Variants in NKAIN1 observed in about 807,000 individuals in gnomAD.
NKAIN1 encodes the protein sodium/potassium transporting ATPase interacting 1, also known as sodium/potassium-transporting ATPase subunit beta-1-interacting protein 1.
Under a neutral mutation model 31.6 loss-of-function variants are expected in NKAIN1, and 13 were observed. The ratio of observed to expected loss-of-function variants is 0.41; its 90% CI spans 0.27 to 0.65. The LOEUF (loss-of-function observed/expected upper bound fraction) is 0.65. Among genes scored for constraint, NKAIN1 ranks in the 30% least tolerant of loss-of-function variants. NKAIN1 has a pLI of 0.30. For missense variants in NKAIN1, 193 were observed against 262.2 expected, an observed-to-expected ratio of 0.74 and a Z score of 1.82; for synonymous variants, 104 against 109.0, an observed-to-expected ratio of 0.95 and a Z score of 0.28.
chr1:31,229,147 A>G (rs1645628813), intron 1 of NKAIN1, among the ~76,000 whole-genome samples: 1 of 152,228 alleles, frequency 6.6e-6, no homozygotes. Flanking sequence ...AAGGTGACTC[A>G]GCACCTAGAA....
chr1:31,232,427 A>ATATATATATATATATATG (rs1645659789), intron 1 of NKAIN1, among the ~76,000 whole-genome samples: 1 of 44,950 alleles, frequency 2.2e-5, no homozygotes, highest in Non-Finnish European at 3.9e-5. Context: ...ATATATATAG[A>ATATATATATATATATATG]GAGAGAGAGA....
chr1:31,186,062 TAAA>T (rs765519205), intron 2 of NKAIN1, among the ~76,000 whole-genome samples: 11 of 130,248 alleles, frequency 8.4e-5, no homozygotes, highest in African/African-American at 2.3e-4. Context: ...AACCCATATT[TAAA>T]AAAAAAAAAA....
At position 31,220,754 on chromosome 1, in the gene NKAIN1, C is replaced by CAAAAAAAA. The variant is rs772908877; in HGVS notation, c.54+18732_54+18739dup. ...TGGCGACAGAGTAAGACTCCATCTC[C>CAAAAAAAA]AAAAAAAAAAAAAAAAAAAAAGCAT... On this transcript the variant is annotated intron_variant, in intron 1 of 6. Coordinates refer to ENST00000373736, the MANE Select transcript of NKAIN1 (RefSeq NM_024522.3). Among the ~76,000 whole-genome samples the CAAAAAAAA allele has an allele frequency of 6.8e-5, 4 of 58,906 alleles. 1 individual carries two copies. The highest frequency in any genetic ancestry group is 9.9e-5 in the Non-Finnish European group (3 of 30,232). The allele number at this position is 58,906 out of a possible 152,430, so 38.6% of individuals were successfully genotyped here. A position where few individuals can be genotyped will look rare whatever the true frequency, so the allele number is the denominator to read the frequency against.
At chr1:31,231,797 C>G (rs753814034) in intron 1 of NKAIN1, among the ~76,000 whole-genome samples, 2 of 152,116 alleles carry the variant, frequency 1.3e-5, no homozygotes, top group Non-Finnish European at 2.9e-5. Context: ...CCCAAAGTGC[C>G]GGGATTACAA....
At chr1:31,235,423 G>T (rs1040089407) in intron 1 of NKAIN1, among the ~76,000 whole-genome samples, 1 of 152,148 alleles carries the variant, frequency 6.6e-6, no homozygotes, top group Non-Finnish European at 1.5e-5. Context: ...CAACAAAACT[G>T]CCATGCCAAA....
intron 1 of NKAIN1, among the ~76,000 whole-genome samples, chr1:31,231,600 A>G (rs1260313515): frequency 2.0e-5 from 3 of 151,902 alleles, no homozygotes; most frequent in Non-Finnish European, 4.4e-5. Flanking sequence ...GCGCCATCTC[A>G]GCTCACTGCA....
intron 1 of NKAIN1, among the ~76,000 whole-genome samples, chr1:31,192,260 C>A (rs1645291304): frequency 6.6e-6 from 1 of 152,218 alleles, no homozygotes; most frequent in South Asian, 2.1e-4. Context: ...AACAATCATT[C>A]ACTCATTTAT....
chr1:31,216,690 TTTTATTTATTTATTTA>T (rs35212874), intron 1 of NKAIN1, among the ~76,000 whole-genome samples: 1 of 140,490 alleles, frequency 7.1e-6, no homozygotes, highest in Non-Finnish European at 1.5e-5. Context: ...TGGCATTGAC[TTTTATTTATTTATTTA>T]TTTATTTATT....
intron 2 of NKAIN1, among the ~76,000 whole-genome samples, chr1:31,187,041 T>C (rs146847296): frequency 6.6e-6 from 1 of 152,286 alleles, no homozygotes; most frequent in Non-Finnish European, 1.5e-5. Flanking sequence ...GACAGTGGTG[T>C]CTGGGGCTTT....
intron 1 of NKAIN1, among the ~76,000 whole-genome samples, chr1:31,209,753 G>A (rs1477518467): frequency 6.6e-6 from 1 of 152,062 alleles, no homozygotes. Context: ...GGAGGTCAAG[G>A]TTGCAGTGAG....
At chr1:31,232,424 T>TATATATATATAGAGAGAGAG (rs1313157898) in intron 1 of NKAIN1, among the ~76,000 whole-genome samples, 2 of 16,924 alleles carry the variant, frequency 1.2e-4, no homozygotes, top group Non-Finnish European at 2.3e-4. Flanking sequence ...TATATATATA[T>TATATATATATAGAGAGAGAG]AGAGAGAGAG....
rs543957562 is a variant in NKAIN1 at position 31,183,740 on chromosome 1, G to A, written c.471+77C>T. On this transcript the variant is annotated intron_variant, in intron 4 of 6. Coordinates refer to ENST00000373736, the MANE Select transcript of NKAIN1 (RefSeq NM_024522.3). ...TGGGATTGCAGGCGTGAGCCACTGC[G>A]CCCAACCCATCCCCTCAACCAGAGC... 5.3e-4 allele frequency: 785 copies of A among 1,478,410 alleles called. 4 individuals are homozygous for A. The Middle Eastern group carries it at 9.0e-3, about 17-fold the overall frequency. The allele number at this position is 1,478,410 out of a possible 1,614,324, so 91.6% of individuals were successfully genotyped here. A position where few individuals can be genotyped will look rare whatever the true frequency, so the allele number is the denominator to read the frequency against.
intron 1 of NKAIN1, among the ~76,000 whole-genome samples, chr1:31,230,927 G>T (rs1006320427): frequency 6.1e-5 from 9 of 146,480 alleles, no homozygotes; most frequent in Non-Finnish European, 1.3e-4. Context: ...TTGTTGCCCA[G>T]GCCGGAGTGT....
intron 2 of NKAIN1, 113 bp from the exon 3 acceptor site, chr1:31,185,440 T>C (rs1342978942): frequency 5.8e-5 from 45 of 781,404 alleles, no homozygotes; most frequent in Non-Finnish European, 8.9e-5. Context: ...ATTATGAGAA[T>C]ACCTCACTCA....
At chr1:31,236,642 C>A (rs187782961) in intron 1 of NKAIN1, among the ~76,000 whole-genome samples, 1 of 152,178 alleles carries the variant, frequency 6.6e-6, no homozygotes, top group Non-Finnish European at 1.5e-5. Context: ...AAGTTCCTCC[C>A]GCAAATGATC....
At chr1:31,192,578 T>G (rs1285661136) in intron 1 of NKAIN1, among the ~76,000 whole-genome samples, 2 of 150,862 alleles carry the variant, frequency 1.3e-5, no homozygotes, top group Admixed American at 6.6e-5. Context: ...TGAGATGGAG[T>G]CTCGCTCTGT....
At chr1:31,224,001 A>C (rs1311289273) in intron 1 of NKAIN1, among the ~76,000 whole-genome samples, 1 of 152,082 alleles carries the variant, frequency 6.6e-6, no homozygotes, top group East Asian at 1.9e-4. Context: ...ATCTACTCTA[A>C]CTCAGTATGC....
chr1:31,211,684 C>T (rs1262340087), intron 1 of NKAIN1, among the ~76,000 whole-genome samples: 1 of 151,230 alleles, frequency 6.6e-6, no homozygotes, highest in African/African-American at 2.4e-5. Context: ...CACGGTGGCT[C>T]ATGCCTGTAA....
chr1:31,184,486 G>A (rs1311775861), intron 3 of NKAIN1, among the ~76,000 whole-genome samples: 1 of 152,106 alleles, frequency 6.6e-6, no homozygotes, highest in Non-Finnish European at 1.5e-5. Flanking sequence ...AATACTCACT[G>A]CCTGCCGACC....
Sources: allele counts gnomAD v4.1 joint callset (sites outside exome capture counted in the v4.1 genomes callset), GRCh38; gene constraint gnomAD v4.1.1; transcripts MANE v1.5; gene names NCBI Gene and HGNC (gene_info 2026-07-23, HGNC 2026-07-21).